The following TMEM212 variants were observed in gnomAD, a reference collection of about 807,000 sequenced individuals.
TMEM212 encodes transmembrane protein 212.
TMEM212 carries 23 observed loss-of-function variants against 20.5 expected under a neutral mutation model. The ratio of observed to expected loss-of-function variants is 1.12; its 90% CI spans 0.81 to 1.59. The LOEUF is 1.59. TMEM212 is among the 40% of genes most tolerant of loss of function. The pLI is 0.00. For synonymous variants in TMEM212, 76 were observed against 81.6 expected, an observed-to-expected ratio of 0.93 and a Z score of 0.37; for missense variants, 211 against 215.0, an observed-to-expected ratio of 0.98 and a Z score of 0.12.
chr3:171,849,301 C>A (rs1560325882), intron 1 of TMEM212, among the ~76,000 whole-genome samples: 2 of 152,216 alleles, frequency 1.3e-5, no homozygotes, highest in Non-Finnish European at 2.9e-5. Context: ...TCTCTGAGCT[C>A]TTCTCATGCA....
intron 1 of TMEM212, 81 bp downstream of exon 1, chr3:171,843,623 T>A: frequency 1.6e-6 from 2 of 1,233,288 alleles, no homozygotes; most frequent in Non-Finnish European, 2.2e-6. Context: ...CATATCCTTT[T>A]AAATTGTTCT....
At chr3:171,851,291 C>T (rs1724971625) in intron 1 of TMEM212, among the ~76,000 whole-genome samples, 1 of 152,108 alleles carries the variant, frequency 6.6e-6, no homozygotes, top group Non-Finnish European at 1.5e-5. Flanking sequence ...TTTTCATTAT[C>T]CGCTGCTAAA....
chr3:171,857,660 A>T (rs1187840534), intron 4 of TMEM212, among the ~76,000 whole-genome samples: 1 of 152,192 alleles, frequency 6.6e-6, no homozygotes, highest in Non-Finnish European at 1.5e-5. Context: ...TATCCAAAAT[A>T]TATAAGGAAC....
chr3:171,853,790 T>C lies in TMEM212; in HGVS notation c.483T>C (p.Cys161=). The change falls in exon 3 of 5, where the codon TGT becomes TGC. Residue 161 remains cysteine (C), a synonymous_variant. Transcript: ENST00000334567. The part of the protein sequence containing the change: ...LDLCLSFTLL[C]TSLTVFIKLS... ...TGTGCCTAAGCTTTACCCTACTCTG[T>C]ACATCCTTGACAGTGTTCATCAAAC... The C allele has an allele frequency of 1.3e-6, 2 of 1,537,148 alleles. No individual in the cohort carries two copies. The highest frequency in any genetic ancestry group is 1.7e-6 in the Non-Finnish European group (2 of 1,146,846).
intron 1 of TMEM212, among the ~76,000 whole-genome samples, chr3:171,848,790 T>C (rs1724899770): frequency 2.6e-5 from 4 of 152,026 alleles, no homozygotes; most frequent in South Asian, 2.1e-4. Flanking sequence ...AAAATATTTA[T>C]AACTATGACA....
intron 3 of TMEM212, among the ~76,000 whole-genome samples, chr3:171,854,800 A>T (rs1457649802): frequency 6.6e-6 from 1 of 152,182 alleles, no homozygotes; most frequent in Non-Finnish European, 1.5e-5. Flanking sequence ...CAGACAATAG[A>T]CCAATGGAAC....
intron 3 of TMEM212, among the ~76,000 whole-genome samples, chr3:171,856,351 G>T (rs1725116994): frequency 6.6e-6 from 1 of 152,170 alleles, no homozygotes; most frequent in Non-Finnish European, 1.5e-5. Context: ...ATTCCTAAGA[G>T]AACAATCAGC....
rs1267430928 is a variant in TMEM212, at chr3:171,843,510, C to T, written c.127C>T (p.Arg43Ter). 50 of 1,535,562 alleles carry T rather than the reference C, an allele frequency of 3.3e-5. No individual in the cohort carries two copies. The highest frequency in any genetic ancestry group is 3.7e-5 in the Non-Finnish European group (42 of 1,146,116). ...YKPWFTGWSV[R>*]IACPIWNGAL... Reference sequence around the variant, plus strand: ...GCCTTGGTTCACAGGATGGAGTGTTCGAATTGCTTGTCCTATCTGGAATGG... The same window carrying T: ...GCCTTGGTTCACAGGATGGAGTGTTTGAATTGCTTGTCCTATCTGGAATGG... The change falls in exon 1 of 5, where the codon CGA becomes TGA. Residue 43 changes from arginine (R) to a stop codon, truncating the protein, a stop_gained. Transcript: ENST00000334567. LOFTEE classifies it high-confidence loss of function.
At chr3:171,849,173 T>G (rs1376178653) in intron 1 of TMEM212, among the ~76,000 whole-genome samples, 1 of 152,100 alleles carries the variant, frequency 6.6e-6, no homozygotes, top group Non-Finnish European at 1.5e-5. Context: ...TCCCACAGAC[T>G]GAGCTGCCCT....
rs1724761780 is a variant in TMEM212 at position 171,843,531 on chromosome 3, A to C, written c.148A>C (p.Asn50His). The C allele has an allele frequency of 6.5e-7, 1 of 1,533,202 alleles. No individual in the cohort carries two copies. The allele number at this position is 1,533,202 out of a possible 1,614,324, so 95.0% of individuals were successfully genotyped here. A position where few individuals can be genotyped will look rare whatever the true frequency, so the allele number is the denominator to read the frequency against. Residue 50 changes from asparagine to histidine, a missense_variant, in exon 1 of 5, where the codon AAT becomes CAT. Asn to His is a moderately conservative substitution (Grantham distance 68). Transcript: ENST00000334567. ...WSVRIACPIW[N>H]GALAITTGVL... ...TGTTCGAATTGCTTGTCCTATCTGGAATGGAGCTTTGGTATGAAAATAGTT... is the reference window on the plus strand; with the variant it reads ...TGTTCGAATTGCTTGTCCTATCTGGCATGGAGCTTTGGTATGAAAATAGTT...
At chr3:171,843,609 A>G in intron 1 of TMEM212, 67 bp downstream of exon 1, 2 of 1,345,620 alleles carry the variant, frequency 1.5e-6, no homozygotes, top group African/African-American at 2.9e-5. Context: ...GGAAAACAGA[A>G]GAACATATCC....
Position 171,858,339 on chromosome 3 carries a change from T to C in TMEM212, c.*282T>C, listed in dbSNP as rs908789901. ...AATGGGGAAAGGATTCCCTTTTTAATAAATGGTGCTGGGAAAACTGGTTAG... is the reference window on the plus strand; with the variant it reads ...AATGGGGAAAGGATTCCCTTTTTAACAAATGGTGCTGGGAAAACTGGTTAG... On this transcript the variant is annotated 3_prime_UTR_variant, in exon 5 of 5. Transcript: ENST00000334567. 1.3e-5 allele frequency: 2 copies of C among 152,168 alleles called. No homozygotes were observed. Among genetic ancestry groups the C allele is most frequent in the African/African-American group, 4.8e-5 (2 of 41,384 alleles). 9.4% of individuals were successfully genotyped at this position (152,168 alleles called of 1,614,324 possible).
rs1024276865 is a variant in TMEM212, at chr3:171,843,500, A to G, written c.117A>G (p.Gly39=). Residue 39 remains glycine (G), a synonymous_variant, in exon 1 of 5, where the codon GGA becomes GGG. Coordinates refer to ENST00000334567, the MANE Select transcript of TMEM212 (RefSeq NM_001164436.2). ...PVFSYKPWFT[G]WSVRIACPIW... ...TTTCTTACAAGCCTTGGTTCACAGGATGGAGTGTTCGAATTGCTTGTCCTA... is the reference window on the plus strand; with the variant it reads ...TTTCTTACAAGCCTTGGTTCACAGGGTGGAGTGTTCGAATTGCTTGTCCTA... 1 of 1,536,868 alleles carries G rather than the reference A, an allele frequency of 6.5e-7. No homozygotes were observed. The highest frequency in any genetic ancestry group is 1.4e-5 in the African/African-American group (1 of 73,032).
At position 171,853,755 on chromosome 3, in the gene TMEM212, G is replaced by C; in HGVS notation, c.448G>C (p.Ala150Pro). The C allele has an allele frequency of 6.5e-7, 1 of 1,537,372 alleles. No individual in the cohort carries two copies. The highest frequency in any genetic ancestry group is 1.2e-5 in the South Asian group (1 of 84,064). The change falls in exon 3 of 5, where the codon GCC (alanine) becomes CCC (proline). Residue 150 changes from alanine (A) to proline (P), a missense_variant. Ala to Pro is a conservative substitution (Grantham distance 27, BLOSUM62 -1). Transcript: ENST00000334567. The part of the protein sequence containing the change: ...HYEEYHLTLQ[A>P]LDLCLSFTLL... ...CGAAGAGTACCACCTGACACTTCAA[G>C]CCCTAGACCTGTGCCTAAGCTTTAC... is the stretch of plus-strand genomic sequence containing the variant.
intron 3 of TMEM212, 130 bp from the exon 4 acceptor site, chr3:171,856,533 A>G: frequency 2.1e-6 from 1 of 486,000 alleles, no homozygotes; most frequent in Admixed American, 3.6e-5. Flanking sequence ...CCCAACAAAT[A>G]CACCCATTAG....
At chr3:171,849,486 T>A (rs1196358095) in intron 1 of TMEM212, among the ~76,000 whole-genome samples, 1 of 152,206 alleles carries the variant, frequency 6.6e-6, no homozygotes, top group African/African-American at 2.4e-5. Flanking sequence ...TGGGAGGATA[T>A]CTACATGATA....
chr3:171,843,377 A>G lies in TMEM212; in HGVS notation c.-7A>G, dbSNP rs1403279235. The G allele has an allele frequency of 2.6e-6, 4 of 1,531,390 alleles. No homozygotes were observed. The highest frequency in any genetic ancestry group is 3.5e-6 in the Non-Finnish European group (4 of 1,144,190). 94.9% of individuals were successfully genotyped at this position (1,531,390 alleles called of 1,614,324 possible). A position where few individuals can be genotyped will look rare whatever the true frequency, so the allele number is the denominator to read the frequency against. On this transcript the variant is annotated 5_prime_UTR_variant, in exon 1 of 5. Coordinates refer to ENST00000334567, the MANE Select transcript of TMEM212 (RefSeq NM_001164436.2). The stretch of plus-strand genomic sequence containing the variant: ...TTTGAGACCAAGGCCTCAAGCCACC[A>G]AGGAAAATGAAGGGCCTCTACCAGG...
chr3:171,844,208 G>T (rs1250371556), intron 1 of TMEM212, among the ~76,000 whole-genome samples: 1 of 152,046 alleles, frequency 6.6e-6, no homozygotes, highest in African/African-American at 2.4e-5. Flanking sequence ...CGATTGGCCT[G>T]GTCCCTTAGC....
At chr3:171,857,690 G>A (rs1314442342) in intron 4 of TMEM212, among the ~76,000 whole-genome samples, 1 of 152,086 alleles carries the variant, frequency 6.6e-6, no homozygotes, top group Non-Finnish European at 1.5e-5. Context: ...TCAACAGCAA[G>A]AAATAAATAA....
Sources: allele counts gnomAD v4.1 joint callset (sites outside exome capture counted in the v4.1 genomes callset), GRCh38; gene constraint gnomAD v4.1.1; transcripts MANE v1.5; gene names NCBI Gene and HGNC (gene_info 2026-07-23, HGNC 2026-07-21).